Variants in IQANK1 observed in about 807,000 individuals in gnomAD.
The protein encoded by IQANK1 is IQ motif and ankyrin repeat containing 1.
IQANK1 carries 30 observed loss-of-function variants against 22.6 expected under a neutral mutation model. That is an observed-to-expected ratio of 1.33 (90% confidence interval 0.99 to 1.80). IQANK1 has a LOEUF of 1.80. Ranked by LOEUF, IQANK1 falls within the 40% of genes most tolerant of loss-of-function variation. The pLI is 0.00. For missense variants in IQANK1, 275 were observed against 235.2 expected (o/e 1.17, Z -1.11); for synonymous variants, 122 against 99.6 (o/e 1.23, Z -1.34).
chr8:143,763,509 G>A (rs782090075), intron 3 of IQANK1, among the ~76,000 whole-genome samples: 2 of 152,172 alleles, frequency 1.3e-5, no homozygotes, highest in Non-Finnish European at 2.9e-5. Context: ...GATCATGGGG[G>A]CGGGTCTCTC....
chr8:143,747,957 CCTTTCCTTTCCTTTCCCTTT>C (rs1563769899), intron 3 of IQANK1, among the ~76,000 whole-genome samples: 1 of 108,930 alleles, frequency 9.2e-6, no homozygotes, highest in African/African-American at 3.5e-5. Context: ...CCTTTCCTTT[CCTTTCCTTTCCTTTCCCTTT>C]CCTTTCCCTT....
rs551837857 is a variant in IQANK1 at position 143,743,034 on chromosome 8, TG to T, written c.175+3093del. On this transcript the variant is annotated intron_variant, in intron 3 of 13. Coordinates refer to ENST00000527139, the MANE Select transcript of IQANK1 (RefSeq NM_001381874.1). ...TGGGACCATTGAGATGCCCAGGAGA[TG>T]GGGGGGCCCTGTGCCTGTGTCCCGT... is the stretch of plus-strand genomic sequence containing the variant. 1,089 of 455,950 alleles carry T rather than the reference TG, an allele frequency of 2.4e-3. 15 individuals are homozygous for T. Among genetic ancestry groups the T allele is most frequent in the African/African-American group, 0.019 (967 of 50,150 alleles). 28.2% of individuals were successfully genotyped at this position (455,950 alleles called of 1,614,324 possible).
chr8:143,748,718 CATATA>C (rs1819094435), intron 3 of IQANK1, among the ~76,000 whole-genome samples: 1 of 97,592 alleles, frequency 1.0e-5, no homozygotes, highest in Non-Finnish European at 1.8e-5. Flanking sequence ...AAATATATAT[CATATA>C]TATCATATAT....
intron 3 of IQANK1, chr8:143,742,511 CCCACAAACA>C (rs1191276959): frequency 3.9e-5 from 18 of 456,070 alleles, no homozygotes; most frequent in African/African-American, 2.2e-4. Context: ...TGGGCTGGGC[CCCACAAACA>C]CCACAAACAC....
Position 143,753,490 on chromosome 8 carries a change from C to T in IQANK1, c.175+13542C>T, listed in dbSNP as rs560940206. On this transcript the variant is annotated intron_variant, in intron 3 of 13. Coordinates refer to ENST00000527139, the MANE Select transcript of IQANK1 (RefSeq NM_001381874.1). The stretch of plus-strand genomic sequence containing the variant: ...TTTTTTTTTTTGAGACGGAGTCTCG[C>T]TGTCTCAGGCTGGAGTGCAGTGGCA... 2.7e-5 allele frequency among the ~76,000 whole-genome samples: 4 copies of T among 145,856 alleles called. No homozygotes were observed. In the South Asian group the frequency reaches 8.7e-4, roughly 32 times the overall value.
intron 3 of IQANK1, among the ~76,000 whole-genome samples, chr8:143,748,744 A>G (rs1378683961): frequency 5.4e-5 from 6 of 111,980 alleles, no homozygotes; most frequent in African/African-American, 2.5e-4. Context: ...AAATATATAA[A>G]TATATATCAT....
chr8:143,750,359 C>T (rs1219128190), intron 3 of IQANK1, among the ~76,000 whole-genome samples: 1 of 152,104 alleles, frequency 6.6e-6, no homozygotes, highest in Admixed American at 6.6e-5. Context: ...AGTCATTCCT[C>T]CTCTTTTGGT....
chr8:143,740,364 C>T (rs1000012694), intron 3 of IQANK1, among the ~76,000 whole-genome samples: 1 of 152,194 alleles, frequency 6.6e-6, no homozygotes, highest in Non-Finnish European at 1.5e-5. Flanking sequence ...GGATCGCCTT[C>T]TCAGGCTCTG....
intron 3 of IQANK1, chr8:143,743,168 C>T: frequency 2.5e-6 from 1 of 393,790 alleles, no homozygotes; most frequent in Non-Finnish European, 5.1e-6. Flanking sequence ...GTTTCCTTCC[C>T]TCTGGCTCTC....
chr8:143,788,002 G>A (rs1554631606), intron 7 of IQANK1, among the ~76,000 whole-genome samples: 3 of 152,046 alleles, frequency 2.0e-5, no homozygotes, highest in South Asian at 2.1e-4. Context: ...GCAGCTCCTC[G>A]GGCCCCGACT....
At chr8:143,734,363 C>G (rs1184913832) in intron 1 of IQANK1, 144 bp downstream of exon 1, 1 of 151,540 alleles carries the variant, frequency 6.6e-6, no homozygotes, top group Non-Finnish European at 1.5e-5. Context: ...CACAGAGGAC[C>G]CCCAGACCCC....
intron 7 of IQANK1, among the ~76,000 whole-genome samples, chr8:143,773,534 C>T (rs1819627216): frequency 6.6e-6 from 1 of 152,104 alleles, no homozygotes; most frequent in South Asian, 2.1e-4. Context: ...TTATGTTCCC[C>T]CACCCCACCC....
At chr8:143,739,670 G>A (rs926717122) in intron 2 of IQANK1, among the ~76,000 whole-genome samples, 189 bp from the exon 3 acceptor site, 3 of 152,222 alleles carry the variant, frequency 2.0e-5, no homozygotes, top group Non-Finnish European at 4.4e-5. Context: ...CTGTGCAGTG[G>A]AGTATGTGCT....
intron 3 of IQANK1, among the ~76,000 whole-genome samples, chr8:143,764,143 C>G (rs782580273): frequency 6.6e-6 from 1 of 151,990 alleles, no homozygotes; most frequent in Non-Finnish European, 1.5e-5. Context: ...GAGGGCCCGC[C>G]GGAAGGACTC....
chr8:143,738,574 G>A (rs991799183), intron 2 of IQANK1, among the ~76,000 whole-genome samples: 63 of 152,346 alleles, frequency 4.1e-4, no homozygotes, highest in African/African-American at 1.4e-3. Flanking sequence ...ACAGGCCACG[G>A]GCCCTGCCGG....
chr8:143,741,136 C>T (rs1301456319), intron 3 of IQANK1, among the ~76,000 whole-genome samples: 2 of 152,314 alleles, frequency 1.3e-5, no homozygotes, highest in South Asian at 2.1e-4. Context: ...AGAGGCCGCT[C>T]TTCTGCTCTC....
At chr8:143,737,228 G>T (rs1302566752) in intron 2 of IQANK1, among the ~76,000 whole-genome samples, 1 of 152,228 alleles carries the variant, frequency 6.6e-6, no homozygotes, top group East Asian at 1.9e-4. Flanking sequence ...AGGTGGACCA[G>T]CAAGGCAGCC....
intron 7 of IQANK1, among the ~76,000 whole-genome samples, chr8:143,786,014 C>T (rs951186048): frequency 1.2e-4 from 18 of 152,188 alleles, no homozygotes; most frequent in African/African-American, 2.9e-4. Flanking sequence ...CGTCAGCCAC[C>T]GTGCCTGGCC....
At chr8:143,782,834 T>A (rs557778851) in intron 7 of IQANK1, among the ~76,000 whole-genome samples, 2 of 152,384 alleles carry the variant, frequency 1.3e-5, no homozygotes, top group South Asian at 4.1e-4. Context: ...CACTTTGTCA[T>A]CCACTTACTC....
Sources: allele counts gnomAD v4.1 joint callset (sites outside exome capture counted in the v4.1 genomes callset), GRCh38; gene constraint gnomAD v4.1.1; transcripts MANE v1.5; gene names NCBI Gene and HGNC (gene_info 2026-07-23, HGNC 2026-07-21).